Variants in ARHGAP35 observed in about 807,000 individuals in gnomAD.
The protein encoded by ARHGAP35 is rho GTPase-activating protein 35.
ARHGAP35 carries 15 observed loss-of-function variants against 111.1 expected under a neutral mutation model. The ratio of observed to expected loss-of-function variants is 0.13; its 90% CI spans 0.09 to 0.21. ARHGAP35 has a LOEUF of 0.21. Ranked by LOEUF, ARHGAP35 falls within the 10% of genes least tolerant of loss-of-function variation. The pLI, the probability that ARHGAP35 is intolerant of heterozygous loss-of-function variation, is 1.00. For missense variants in ARHGAP35, 1,262 were observed against 1,873.0 expected, an observed-to-expected ratio of 0.67 and a Z score of 6.02; for synonymous variants, 643 against 710.3, an observed-to-expected ratio of 0.91 and a Z score of 1.51.
At chr19:46,933,462 C>T (rs191336790) in intron 2 of ARHGAP35, among the ~76,000 whole-genome samples, 1 of 151,964 alleles carries the variant, frequency 6.6e-6, no homozygotes, top group Admixed American at 6.6e-5. Flanking sequence ...TGCTTTTATT[C>T]ACTTACTCAG....
At chr19:46,875,247 G>GT (rs1288596589) in intron 1 of ARHGAP35, among the ~76,000 whole-genome samples, 1 of 152,128 alleles carries the variant, frequency 6.6e-6, no homozygotes, top group Non-Finnish European at 1.5e-5. Context: ...GTCGGGGAGA[G>GT]TAACAGATCT....
At chr19:46,909,275 C>CTAAGACA (rs2056126159) in intron 1 of ARHGAP35, among the ~76,000 whole-genome samples, 1 of 152,086 alleles carries the variant, frequency 6.6e-6, no homozygotes, top group Non-Finnish European at 1.5e-5. Context: ...CGCACTCCAG[C>CTAAGACA]CTGGGGAACA....
intron 1 of ARHGAP35, among the ~76,000 whole-genome samples, chr19:46,872,806 G>A (rs962299181): frequency 6.6e-6 from 1 of 151,738 alleles, no homozygotes; most frequent in African/African-American, 2.4e-5. Flanking sequence ...GCGTGAACCC[G>A]GGAGACGGAG....
intron 3 of ARHGAP35, among the ~76,000 whole-genome samples, chr19:46,987,209 CT>C (rs1205470825): frequency 2.0e-4 from 28 of 137,502 alleles, no homozygotes; most frequent in African/African-American, 5.9e-4. Flanking sequence ...TTTTTTTTTT[CT>C]TTTTTTTCTT....
Position 46,911,567 on chromosome 19 carries a change from G to A in ARHGAP35, c.-188-6921G>A, listed in dbSNP as rs187998154. 4.9e-4 allele frequency among the ~76,000 whole-genome samples: 75 copies of A among 152,224 alleles called. 1 individual carries two copies. Among genetic ancestry groups the A allele is most frequent in the Admixed American group, 1.4e-3 (21 of 15,288 alleles). The stretch of plus-strand genomic sequence containing the variant: ...GCTGTATAACTAGATCTATCAAATG[G>A]GGACCTTTCTCTTTTACTCAGCTTT... On this transcript the variant is annotated intron_variant, in intron 1 of 6. Coordinates refer to ENST00000672722, the MANE Select transcript of ARHGAP35 (RefSeq NM_004491.5).
chr19:46,930,715 G>A (rs1440804608), intron 2 of ARHGAP35, among the ~76,000 whole-genome samples: 1 of 151,566 alleles, frequency 6.6e-6, no homozygotes, highest in Non-Finnish European at 1.5e-5. Flanking sequence ...AGCCCTCCCT[G>A]CTGTTCCCAC....
At chr19:46,887,182 TCTC>T (rs2055996910) in intron 1 of ARHGAP35, among the ~76,000 whole-genome samples, 3 of 152,032 alleles carry the variant, frequency 2.0e-5, no homozygotes, top group Non-Finnish European at 4.4e-5. Context: ...ATATTTACCT[TCTC>T]AGTGGGTTGG....
chr19:46,871,253 C>T lies in ARHGAP35; in HGVS notation c.-189+10044C>T, dbSNP rs115283157. On this transcript the variant is annotated intron_variant, in intron 1 of 6. Coordinates refer to ENST00000672722, the MANE Select transcript of ARHGAP35 (RefSeq NM_004491.5). ...ATTAAAAGAAAAGAGATAGTGGTCA[C>T]TGCTAATGAGAGTGAAATGGGACTG... Among the ~76,000 whole-genome samples, 609 of 152,312 alleles carry T rather than the reference C, an allele frequency of 4.0e-3. 2 individuals carry two copies. Among genetic ancestry groups the T allele is most frequent in the Middle Eastern group, 0.01 (3 of 294 alleles).
intron 3 of ARHGAP35, among the ~76,000 whole-genome samples, chr19:46,981,550 G>C (rs1339697669): frequency 6.6e-6 from 1 of 152,230 alleles, no homozygotes; most frequent in Non-Finnish European, 1.5e-5. Flanking sequence ...GGCCTGCCTG[G>C]GGTCCAGGAT....
chr19:46,867,765 T>C (rs193095888), intron 1 of ARHGAP35, among the ~76,000 whole-genome samples: 108 of 152,214 alleles, frequency 7.1e-4, no homozygotes, highest in African/African-American at 2.5e-3. Flanking sequence ...TTTTTTGTTG[T>C]TGTTGTTGTT....
chr19:46,907,513 C>G (rs539311514), intron 1 of ARHGAP35, among the ~76,000 whole-genome samples: 1 of 140,432 alleles, frequency 7.1e-6, no homozygotes. Flanking sequence ...TTTTTTGAGA[C>G]GGAGTCTCGC....
intron 1 of ARHGAP35, among the ~76,000 whole-genome samples, chr19:46,871,244 T>A (rs2055885910): frequency 6.6e-6 from 1 of 152,234 alleles, no homozygotes; most frequent in African/African-American, 2.4e-5. Flanking sequence ...AGAAAAGAGA[T>A]AGTGGTCACT....
intron 1 of ARHGAP35, among the ~76,000 whole-genome samples, chr19:46,902,946 G>C (rs2056089122): frequency 6.6e-6 from 1 of 152,166 alleles, no homozygotes; most frequent in Non-Finnish European, 1.5e-5. Flanking sequence ...TGGTGTGTAT[G>C]ATATCGCATT....
chr19:46,906,840 G>C (rs552521757), intron 1 of ARHGAP35, among the ~76,000 whole-genome samples: 2 of 152,318 alleles, frequency 1.3e-5, no homozygotes, highest in African/African-American at 4.8e-5. Context: ...TGCAATCCCA[G>C]CACTTTGGGA....
chr19:46,974,834 A>G (rs912294972), intron 3 of ARHGAP35, among the ~76,000 whole-genome samples: 1 of 152,058 alleles, frequency 6.6e-6, no homozygotes, highest in Non-Finnish European at 1.5e-5. Context: ...GGGGCCCACA[A>G]GAGTAACCTC....
chr19:46,965,959 G>T (rs914494634), intron 3 of ARHGAP35, among the ~76,000 whole-genome samples: 1 of 151,920 alleles, frequency 6.6e-6, no homozygotes, highest in African/African-American at 2.4e-5. Context: ...AGTTCATATT[G>T]CCCCCTAGAA....
rs571334022 is a variant in ARHGAP35 at position 46,934,694 on chromosome 19, G to T, written c.3682-2570G>T. On this transcript the variant is annotated intron_variant, in intron 2 of 6. Transcript: ENST00000672722. ...CCCTCTTATTTATTATTTTGAGACG[G>T]GGTCGCACTTTGTCACCCAGGCTGG... 1.1e-4 allele frequency among the ~76,000 whole-genome samples: 17 copies of T among 148,040 alleles called. No individual in the cohort carries two copies. In the South Asian group the frequency reaches 3.3e-3, roughly 29 times the overall value.
intron 3 of ARHGAP35, among the ~76,000 whole-genome samples, chr19:46,951,450 C>CTT (rs59745940): frequency 1.3e-5 from 2 of 151,292 alleles, no homozygotes; most frequent in East Asian, 1.9e-4. Context: ...TTTTGATGGC[C>CTT]TTTTTTTTTC....
chr19:46,921,958 G>T lies in ARHGAP35; in HGVS notation c.3283G>T (p.Val1095Leu). 1 of 1,613,998 alleles carries T rather than the reference G, an allele frequency of 6.2e-7. No individual in the cohort carries two copies. Among genetic ancestry groups the T allele is most frequent in the Non-Finnish European group, 8.5e-7 (1 of 1,179,892 alleles). ...SDYAEPMDAVVKPRNEEENIY... is the reference protein window; with the variant it reads ...SDYAEPMDAVLKPRNEEENIY... The stretch of plus-strand genomic sequence containing the variant: ...CTATGCTGAACCCATGGATGCTGTG[G>T]TGAAGCCAAGGAATGAAGAAGAAAA... The change falls in exon 2 of 7, where the codon GTG becomes TTG. Residue 1095 changes from valine (V) to leucine (L), a missense_variant. Val to Leu is a conservative substitution (Grantham distance 32, BLOSUM62 1). Coordinates refer to ENST00000672722, the MANE Select transcript of ARHGAP35 (RefSeq NM_004491.5). This position sits in a 1 kb window ranked among gnomAD's most constrained non-coding sequence, Gnocchi z 4.3.
Sources: allele counts gnomAD v4.1 joint callset (sites outside exome capture counted in the v4.1 genomes callset), GRCh38; gene constraint gnomAD v4.1.1; non-coding constraint Gnocchi (gnomAD v3.1); transcripts MANE v1.5; gene names NCBI Gene and HGNC (gene_info 2026-07-23, HGNC 2026-07-21).